PPM1L: variants seen among roughly 807,000 people sequenced by gnomAD.
The protein encoded by PPM1L is protein phosphatase, Mg2+/Mn2+ dependent 1L, also known as protein phosphatase 1L.
In PPM1L, 13 loss-of-function variants were observed where a neutral mutation model predicts 31.4. That is an observed-to-expected ratio of 0.41 (90% CI 0.27 to 0.66). The LOEUF (loss-of-function observed/expected upper bound fraction) is 0.66. Among genes scored for constraint, PPM1L ranks in the 30% least tolerant of loss-of-function variants. The pLI, the probability that PPM1L is intolerant of heterozygous loss-of-function variation, is 0.29. For synonymous variants in PPM1L, 184 were observed against 175.4 expected, an observed-to-expected ratio of 1.05 and a Z score of -0.39; for missense variants, 326 against 453.7, an observed-to-expected ratio of 0.72 and a Z score of 2.56.
chr3:160,987,185 G>A (rs979338436), intron 2 of PPM1L, among the ~76,000 whole-genome samples: 1 of 152,182 alleles, frequency 6.6e-6, no homozygotes, highest in African/African-American at 2.4e-5. Context: ...AAGGTATGCT[G>A]GAGCCAGACA....
intron 1 of PPM1L, among the ~76,000 whole-genome samples, chr3:160,957,809 C>T (rs1715826890): frequency 6.6e-6 from 1 of 152,042 alleles, no homozygotes; most frequent in Non-Finnish European, 1.5e-5. Flanking sequence ...ATCTCCTGAC[C>T]TTGTGATCCG....
intron 1 of PPM1L, among the ~76,000 whole-genome samples, chr3:160,929,863 C>T (rs1714726105): frequency 6.6e-6 from 1 of 152,178 alleles, no homozygotes; most frequent in Non-Finnish European, 1.5e-5. Context: ...ACAGTCCCCA[C>T]CACCTTCCCA....
At chr3:160,972,326 T>C (rs1716373163) in intron 2 of PPM1L, among the ~76,000 whole-genome samples, 1 of 151,640 alleles carries the variant, frequency 6.6e-6, no homozygotes, top group South Asian at 2.1e-4. Flanking sequence ...ATTAGGTATA[T>C]CTCCTAATGC....
rs1011509972 is a variant in PPM1L at position 160,756,760 on chromosome 3, T to C, written c.399+53T>C. 2.4e-6 allele frequency: 3 copies of C among 1,242,646 alleles called. No individual in the cohort carries two copies. In the African/African-American group the frequency reaches 5.5e-5, roughly 23 times the overall value. The allele number at this position is 1,242,646 out of a possible 1,614,324, so 77.0% of individuals were successfully genotyped here. On this transcript the variant is annotated intron_variant, in intron 1 of 3. Coordinates refer to ENST00000498165, the MANE Select transcript of PPM1L (RefSeq NM_139245.4). The surrounding 1 kb of genome is among the most constrained non-coding windows in gnomAD (Gnocchi z 6.2). ...TGTGTCCGTGTATGTCTCGTGTGTG[T>C]GTGTGTGTGTGTGTGTGTGTGTGTG...
At chr3:160,759,410 A>T (rs149152356) in intron 1 of PPM1L, among the ~76,000 whole-genome samples, 1 of 152,220 alleles carries the variant, frequency 6.6e-6, no homozygotes, top group Non-Finnish European at 1.5e-5. Context: ...TATCAATTTC[A>T]TCCCTCACCC....
chr3:160,940,683 T>G (rs572941223), intron 1 of PPM1L, among the ~76,000 whole-genome samples: 3 of 152,338 alleles, frequency 2.0e-5, no homozygotes, highest in Non-Finnish European at 4.4e-5. Flanking sequence ...AGAAGATGTA[T>G]GAAACTGCCT....
At chr3:160,909,723 A>G (rs949516253) in intron 1 of PPM1L, among the ~76,000 whole-genome samples, 4 of 152,248 alleles carry the variant, frequency 2.6e-5, no homozygotes, top group African/African-American at 9.6e-5. Context: ...TAAGAGGAAA[A>G]TCAGGGAACT....
At position 160,850,010 on chromosome 3, in the gene PPM1L, C is replaced by CT. The variant is rs139492914; in HGVS notation, c.399+93304dup. The stretch of plus-strand genomic sequence containing the variant: ...CTTACAATTCAACGCAGTTCTGACA[C>CT]TATCTACCCACAGGTTAAGGGCTCA... On this transcript the variant is annotated intron_variant, in intron 1 of 3. Coordinates refer to ENST00000498165, the MANE Select transcript of PPM1L (RefSeq NM_139245.4). 3.0e-3 allele frequency among the ~76,000 whole-genome samples: 464 copies of CT among 152,304 alleles called. 2 individuals are homozygous for CT. Among genetic ancestry groups the CT allele is most frequent in the Non-Finnish European group, 5.6e-3 (378 of 68,022 alleles).
At chr3:160,988,437 T>A (rs1045996009) in intron 2 of PPM1L, among the ~76,000 whole-genome samples, 1 of 152,170 alleles carries the variant, frequency 6.6e-6, no homozygotes, top group Non-Finnish European at 1.5e-5. Flanking sequence ...AAAATCAGAT[T>A]TTCTTGGCTT....
intron 1 of PPM1L, among the ~76,000 whole-genome samples, chr3:160,879,567 G>C (rs1207228353): frequency 2.0e-5 from 3 of 152,170 alleles, no homozygotes; most frequent in African/African-American, 7.2e-5. Flanking sequence ...TTGTCCCAAA[G>C]GATCCTGTGA....
chr3:161,034,851 T>TA (rs901387951), intron 2 of PPM1L, among the ~76,000 whole-genome samples: 1 of 149,216 alleles, frequency 6.7e-6, no homozygotes, highest in Non-Finnish European at 1.5e-5. Flanking sequence ...TAAAGTACAA[T>TA]AAAAAAATAA....
rs191390172 is a variant in PPM1L at position 161,047,595 on chromosome 3, T to C, written c.575-17808T>C. Among the ~76,000 whole-genome samples the C allele has an allele frequency of 1.1e-3, 160 of 152,302 alleles. 3 individuals carry two copies. In the East Asian group the frequency reaches 0.014, roughly 14 times the overall value. On this transcript the variant is annotated intron_variant, in intron 2 of 3. Transcript: ENST00000498165. ...GAATTGGAAAAAACTACTTTAAAGT[T>C]CATATGTAACCAAAAAAGAGCCCAC... is the stretch of plus-strand genomic sequence containing the variant.
rs141027360 is a variant in PPM1L at position 160,769,370 on chromosome 3, A to G, written c.399+12663A>G. Among the ~76,000 whole-genome samples, 1,113 of 152,330 alleles carry G rather than the reference A, an allele frequency of 7.3e-3. 11 individuals carry two copies. The highest frequency in any genetic ancestry group is 0.026 in the African/African-American group (1,077 of 41,570). On this transcript the variant is annotated intron_variant, in intron 1 of 3. Transcript: ENST00000498165. ...ACTGATATGGGGGAAAATAGACTTT[A>G]GAGGACTTCAGAAAAGAGTAAACCT...
At chr3:160,957,703 A>G (rs1391737285) in intron 1 of PPM1L, among the ~76,000 whole-genome samples, 2 of 151,356 alleles carry the variant, frequency 1.3e-5, no homozygotes, top group Non-Finnish European at 2.9e-5. Flanking sequence ...CGGCCTCCCA[A>G]GTAGCTGGGA....
intron 3 of PPM1L, 30 bp downstream of exon 3, chr3:161,065,594 C>T: frequency 6.2e-7 from 1 of 1,604,304 alleles, no homozygotes; most frequent in South Asian, 1.1e-5. Flanking sequence ...CAAGAAATGT[C>T]TGCTGTCTTG....
intron 2 of PPM1L, among the ~76,000 whole-genome samples, chr3:161,020,319 C>G (rs1718206149): frequency 6.6e-6 from 1 of 152,004 alleles, no homozygotes; most frequent in African/African-American, 2.4e-5. Context: ...TCCCTTTAAA[C>G]TTATAAGTAA....
rs1360872991 is a variant in PPM1L at position 161,074,176 on chromosome 3, G to A, written c.*5019G>A. On this transcript the variant is annotated 3_prime_UTR_variant, in exon 4 of 4. Coordinates refer to ENST00000498165, the MANE Select transcript of PPM1L (RefSeq NM_139245.4). ...CTTTCTTTCCTTTATTGTCCTCTCTGGATTCAGTGAAATAATTTGAAATCA... is the reference window on the plus strand; with the variant it reads ...CTTTCTTTCCTTTATTGTCCTCTCTAGATTCAGTGAAATAATTTGAAATCA... 1 of 152,042 alleles carries A rather than the reference G, an allele frequency of 6.6e-6. No homozygotes were observed. The highest frequency in any genetic ancestry group is 1.5e-5 in the Non-Finnish European group (1 of 68,012). The allele number at this position is 152,042 out of a possible 1,614,324, so 9.4% of individuals were successfully genotyped here.
chr3:160,849,925 G>A (rs1404189526), intron 1 of PPM1L, among the ~76,000 whole-genome samples: 1 of 152,138 alleles, frequency 6.6e-6, no homozygotes, highest in Admixed American at 6.5e-5. Context: ...TTCGCTTCTG[G>A]CCACTAAAAT....
chr3:160,888,652 G>T (rs1713021466), intron 1 of PPM1L, among the ~76,000 whole-genome samples: 1 of 152,176 alleles, frequency 6.6e-6, no homozygotes, highest in Non-Finnish European at 1.5e-5. Flanking sequence ...TTCAGGACTT[G>T]AACTCAGCTC....
Sources: gnomAD v4.1 joint callset for allele counts (sites outside exome capture counted in the v4.1 genomes callset) on GRCh38, gnomAD v4.1.1 for gene constraint, Gnocchi (gnomAD v3.1) non-coding constraint, MANE v1.5 for transcripts, NCBI Gene and HGNC (gene_info 2026-07-23, HGNC 2026-07-21) for gene names.